Variants in MAGI2 observed in about 807,000 individuals in gnomAD.
MAGI2 encodes membrane-associated guanylate kinase, WW and PDZ domain-containing protein 2.
Under a neutral mutation model 133.3 loss-of-function variants are expected in MAGI2, and 35 were observed. The observed-to-expected ratio is 0.26, with a 90% CI of 0.20 to 0.35. The LOEUF (loss-of-function observed/expected upper bound fraction) is 0.35, where lower values mean the gene tolerates loss of function less well. MAGI2 is among the 10% of genes least tolerant of loss of function. The probability of loss-of-function intolerance (pLI) is 1.00; values close to 1 mark genes in which losing one functional copy is unlikely to be tolerated. For synonymous variants in MAGI2, 729 were observed against 710.6 expected (o/e 1.03, Z -0.41); for missense variants, 1,636 against 1,863.4 (o/e 0.88, Z 2.25).
chr7:78,911,771 A>C (rs1584367120), intron 2 of MAGI2, among the ~76,000 whole-genome samples: 1 of 152,018 alleles, frequency 6.6e-6, no homozygotes, highest in South Asian at 2.1e-4. Flanking sequence ...ATTTCATGGG[A>C]GTTTATTGCA....
At chr7:78,384,107 A>G (rs1795170976) in intron 6 of MAGI2, among the ~76,000 whole-genome samples, 1 of 151,938 alleles carries the variant, frequency 6.6e-6, no homozygotes, top group African/African-American at 2.4e-5. Context: ...TATGAAATTT[A>G]GGATTTTTTC....
chr7:79,082,646 C>G (rs955260012), intron 1 of MAGI2, among the ~76,000 whole-genome samples: 1 of 151,990 alleles, frequency 6.6e-6, no homozygotes, highest in Non-Finnish European at 1.5e-5. Flanking sequence ...ATAAGCTCTG[C>G]TACTTTATTT....
Position 78,768,703 on chromosome 7 carries a change from A to G in MAGI2, c.419-141464T>C, listed in dbSNP as rs112481465. ...GACTCCATGTCATTTTGCAGAAAGCATCTGAAGTGTTTCCAAATTTCTATA... is the reference window on the plus strand; with the variant it reads ...GACTCCATGTCATTTTGCAGAAAGCGTCTGAAGTGTTTCCAAATTTCTATA... On this transcript the variant is annotated intron_variant, in intron 2 of 21. Coordinates refer to ENST00000354212, the MANE Select transcript of MAGI2 (RefSeq NM_012301.4). 5.8e-3 allele frequency among the ~76,000 whole-genome samples: 883 copies of G among 152,354 alleles called. 5 individuals are homozygous for G. The highest frequency in any genetic ancestry group is 7.7e-3 in the Non-Finnish European group (522 of 68,028).
intron 21 of MAGI2, among the ~76,000 whole-genome samples, chr7:78,070,355 G>A (rs1168890974): frequency 6.7e-6 from 1 of 148,770 alleles, no homozygotes; most frequent in Non-Finnish European, 1.5e-5. Flanking sequence ...AATGTCAGAA[G>A]CTGAAATTAA....
chr7:79,368,765 G>A (rs887112817), intron 1 of MAGI2, among the ~76,000 whole-genome samples: 2 of 147,120 alleles, frequency 1.4e-5, no homozygotes, highest in Non-Finnish European at 3.0e-5. Flanking sequence ...GGAGAATGGC[G>A]TGAACCCGGG....
intron 1 of MAGI2, among the ~76,000 whole-genome samples, chr7:79,065,797 G>A (rs1039859282): frequency 3.9e-5 from 6 of 152,106 alleles, no homozygotes; most frequent in African/African-American, 1.4e-4. Context: ...ACTTATGAGT[G>A]AAAACATGCA....
chr7:79,420,116 G>T (rs970330394), intron 1 of MAGI2, among the ~76,000 whole-genome samples: 5 of 152,056 alleles, frequency 3.3e-5, no homozygotes, highest in African/African-American at 1.2e-4. Flanking sequence ...TCTCTGAGTA[G>T]AAACCATGCT....
intron 6 of MAGI2, among the ~76,000 whole-genome samples, chr7:78,391,433 T>C (rs1407293480): frequency 6.6e-6 from 1 of 152,224 alleles, no homozygotes; most frequent in Non-Finnish European, 1.5e-5. Context: ...TGGAAGCCTA[T>C]TTCATTTTAT....
At chr7:78,201,332 C>T (rs530723719) in intron 10 of MAGI2, 139 bp from the exon 11 acceptor site, 3 of 478,976 alleles carry the variant, frequency 6.3e-6, no homozygotes, top group South Asian at 8.5e-5. Flanking sequence ...CTGGCTGTAT[C>T]GTTTTCTTCA....
intron 5 of MAGI2, among the ~76,000 whole-genome samples, chr7:78,495,896 A>G (rs1794048179): frequency 6.6e-6 from 1 of 152,200 alleles, no homozygotes; most frequent in Admixed American, 6.5e-5. Context: ...AAAATATATG[A>G]AAAAATATTC....
intron 3 of MAGI2, among the ~76,000 whole-genome samples, chr7:78,562,967 CTT>C (rs1031565077): frequency 2.0e-5 from 3 of 149,414 alleles, no homozygotes; most frequent in African/African-American, 4.9e-5. Flanking sequence ...CCCTCCATCT[CTT>C]TGTCTCTTTG....
chr7:78,503,139 T>C (rs551070683), intron 4 of MAGI2, among the ~76,000 whole-genome samples: 1 of 151,474 alleles, frequency 6.6e-6, no homozygotes, highest in African/African-American at 2.4e-5. Flanking sequence ...TATAGTAACT[T>C]GAGAAAAAAA....
chr7:79,093,140 G>A (rs1183290942), intron 1 of MAGI2, among the ~76,000 whole-genome samples: 1 of 150,828 alleles, frequency 6.6e-6, no homozygotes, highest in African/African-American at 2.4e-5. Context: ...TTCTGGAATT[G>A]ACATAAAATA....
intron 16 of MAGI2, among the ~76,000 whole-genome samples, chr7:78,148,376 T>G (rs990343338): frequency 6.6e-6 from 1 of 151,738 alleles, no homozygotes; most frequent in African/African-American, 2.4e-5. Flanking sequence ...GGGCTGGGAG[T>G]GGGTGAACAG....
At chr7:78,766,895 A>G (rs904711461) in intron 2 of MAGI2, among the ~76,000 whole-genome samples, 2 of 152,186 alleles carry the variant, frequency 1.3e-5, no homozygotes, top group Non-Finnish European at 2.9e-5. Flanking sequence ...TGTGTATTTT[A>G]TAGGTCTTGA....
chr7:79,261,434 A>G (rs1007125570), intron 1 of MAGI2, among the ~76,000 whole-genome samples: 15 of 152,246 alleles, frequency 9.9e-5, no homozygotes, highest in Non-Finnish European at 1.8e-4. Context: ...TGGTCAAAGC[A>G]AATCACATAG....
At chr7:78,382,047 C>A (rs1250238064) in intron 6 of MAGI2, among the ~76,000 whole-genome samples, 7 of 152,058 alleles carry the variant, frequency 4.6e-5, no homozygotes, top group Non-Finnish European at 1.0e-4. Context: ...ATCTAAATAC[C>A]CAACCAGAGA....
chr7:78,149,669 A>C (rs1019743125), intron 16 of MAGI2, among the ~76,000 whole-genome samples: 1 of 152,356 alleles, frequency 6.6e-6, no homozygotes. Context: ...CCAGAAAACT[A>C]TAAGAACAAA....
At chr7:78,282,501 T>A (rs1339975481) in intron 9 of MAGI2, among the ~76,000 whole-genome samples, 1 of 152,098 alleles carries the variant, frequency 6.6e-6, no homozygotes, top group African/African-American at 2.4e-5. Context: ...AGAGACCGTG[T>A]AGCCCATAAA....
Sources: allele counts gnomAD v4.1 joint callset (sites outside exome capture counted in the v4.1 genomes callset), GRCh38; gene constraint gnomAD v4.1.1; transcripts MANE v1.5; gene names NCBI Gene and HGNC (gene_info 2026-07-23, HGNC 2026-07-21).